The following C1orf74 variants were observed in gnomAD, a reference collection of about 807,000 sequenced individuals.
C1orf74 encodes chromosome 1 open reading frame 74, also known as UPF0739 protein C1orf74.
C1orf74 carries 5 observed loss-of-function variants against 7.3 expected under a neutral mutation model. That is an observed-to-expected ratio of 0.68 (90% CI 0.36 to 1.44). The LOEUF is 1.44. Among genes scored for constraint, C1orf74 ranks in the 40% most tolerant of loss-of-function variants. The pLI, the probability that C1orf74 is intolerant of heterozygous loss-of-function variation, is 0.04. For synonymous variants in C1orf74, 121 were observed against 132.5 expected (o/e 0.91, Z 0.59); for missense variants, 291 against 314.3 (o/e 0.93, Z 0.56).
chr1:209,779,257 A>G lies in C1orf74; in HGVS notation c.*3568T>C. ...CAAGGTTCTAAGCAAAGTTCTGAAA[A>G]GAAAACTTTTTGTAGTAAATATGCT... On this transcript the variant is annotated 3_prime_UTR_variant, in exon 2 of 2. Transcript: ENST00000294811. The G allele has an allele frequency of 6.7e-7, 1 of 1,497,494 alleles. No homozygotes were observed. Among genetic ancestry groups the G allele is most frequent in the Non-Finnish European group, 9.2e-7 (1 of 1,081,380 alleles). The allele number at this position is 1,497,494 out of a possible 1,614,324, so 92.8% of individuals were successfully genotyped here.
Position 209,780,238 on chromosome 1 carries a change from C to T in C1orf74, c.*2587G>A. The T allele has an allele frequency of 3.0e-6, 1 of 329,650 alleles. No individual in the cohort carries two copies. Among genetic ancestry groups the T allele is most frequent in the Non-Finnish European group, 5.5e-6 (1 of 182,702 alleles). 20.4% of individuals were successfully genotyped at this position (329,650 alleles called of 1,614,324 possible). A position where few individuals can be genotyped will look rare whatever the true frequency, so the allele number is the denominator to read the frequency against. ...CTAGCACTAGATAAGACTGGGGATA[C>T]AAAGAAAAGATCCCAATCTTGCCCT... On this transcript the variant is annotated 3_prime_UTR_variant, in exon 2 of 2. Transcript: ENST00000294811.
Position 209,780,352 on chromosome 1 carries a change from C to A in C1orf74, c.*2473G>T. 1 of 973,974 alleles carries A rather than the reference C, an allele frequency of 1.0e-6. No homozygotes were observed. The highest frequency in any genetic ancestry group is 1.4e-6 in the Non-Finnish European group (1 of 701,682). The allele number at this position is 973,974 out of a possible 1,614,324, so 60.3% of individuals were successfully genotyped here. A position where few individuals can be genotyped will look rare whatever the true frequency, so the allele number is the denominator to read the frequency against. ...ATGTCAGAGAATGCCATCAGTCTAG[C>A]CAAGAGCACGCCCTCCCAAGTTCCC... On this transcript the variant is annotated 3_prime_UTR_variant, in exon 2 of 2. Coordinates refer to ENST00000294811, the MANE Select transcript of C1orf74 (RefSeq NM_152485.4).
chr1:209,780,855 AT>A lies in C1orf74; in HGVS notation c.*1969del, dbSNP rs1558033562. 1.5e-5 allele frequency: 4 copies of A among 260,586 alleles called. No individual in the cohort carries two copies. The South Asian group carries it at 4.0e-4, about 26-fold the overall frequency. 16.1% of individuals were successfully genotyped at this position (260,586 alleles called of 1,614,324 possible). A position where few individuals can be genotyped will look rare whatever the true frequency, so the allele number is the denominator to read the frequency against. On this transcript the variant is annotated 3_prime_UTR_variant, in exon 2 of 2. Coordinates refer to ENST00000294811, the MANE Select transcript of C1orf74 (RefSeq NM_152485.4). ...AGAAAGTCGACCAAAACTCAAACAC[AT>A]TTAATAAAAATATTAACTTCTCAAT...
Position 209,783,454 on chromosome 1 carries a change from C to T in C1orf74, c.181G>A (p.Ala61Thr), listed in dbSNP as rs1427910296. The T allele has an allele frequency of 6.2e-7, 1 of 1,614,038 alleles. No individual in the cohort carries two copies. Among genetic ancestry groups the T allele is most frequent in the Non-Finnish European group, 8.5e-7 (1 of 1,180,022 alleles). Residue 61 changes from alanine (A) to threonine (T), a missense_variant, in exon 2 of 2, where the codon GCA becomes ACA. Transcript: ENST00000294811. ...KPAVLYDCNC[A>T]GASELQSYLE... is the part of the protein sequence containing the mutation. ...TAGCTCTGGAGCTCTGATGCCCCTG[C>T]ACAGTTGCAATCATAGAGCACAGCT...
In C1orf74 at chr1:209,779,434, C is replaced by T; in HGVS notation, c.*3391G>A. On this transcript the variant is annotated 3_prime_UTR_variant, in exon 2 of 2. Transcript: ENST00000294811. ...TGCTCTTCTCTTACCTGCCTAGAGG[C>T]AGCGGGATGGACTACATGACCTCCT... 3 of 1,473,020 alleles carry T rather than the reference C, an allele frequency of 2.0e-6. No individual in the cohort carries two copies. The highest frequency in any genetic ancestry group is 2.9e-6 in the Non-Finnish European group (3 of 1,052,576). The allele number at this position is 1,473,020 out of a possible 1,614,324, so 91.2% of individuals were successfully genotyped here.
rs1258115752 is a variant in C1orf74, at chr1:209,779,694, C to T, written c.*3131G>A. 1 of 595,676 alleles carries T rather than the reference C, an allele frequency of 1.7e-6. No individual in the cohort carries two copies. Among genetic ancestry groups the T allele is most frequent in the African/African-American group, 1.9e-5 (1 of 53,778 alleles). 36.9% of individuals were successfully genotyped at this position (595,676 alleles called of 1,614,324 possible). A position where few individuals can be genotyped will look rare whatever the true frequency, so the allele number is the denominator to read the frequency against. ...TTTTTACACACTTGATTTTCCAAAT[C>T]ACATCCAACTCCCCAGCCCCAAACC... On this transcript the variant is annotated 3_prime_UTR_variant, in exon 2 of 2. Transcript: ENST00000294811.
chr1:209,783,223 G>A lies in C1orf74; in HGVS notation c.412C>T (p.Leu138Phe), dbSNP rs1339199104. The A allele has an allele frequency of 1.2e-6, 2 of 1,614,044 alleles. No homozygotes were observed. Among genetic ancestry groups the A allele is most frequent in the Non-Finnish European group, 1.7e-6 (2 of 1,180,044 alleles). ...AAATGTGTGATGATCTCAGCCACGA[G>A]GGCCTTCAAGTCCTGAAGCTGGTCC... is the stretch of plus-strand genomic sequence containing the variant. ...SLDQLQDLKALVAEIITHLQG... is the reference protein window; with the variant it reads ...SLDQLQDLKAFVAEIITHLQG... The change falls in exon 2 of 2, where the codon CTC (leucine) becomes TTC (phenylalanine). Residue 138 changes from leucine (L) to phenylalanine (F), a missense_variant. Coordinates refer to ENST00000294811, the MANE Select transcript of C1orf74 (RefSeq NM_152485.4).
rs2077812245 is a variant in C1orf74 at position 209,783,530 on chromosome 1, G to C, written c.105C>G (p.Ile35Met). Reference protein sequence around the residue: ...MGKRRSPPQAICLHLAGEVLA... With the variant: ...MGKRRSPPQAMCLHLAGEVLA... ...GCACCTCTCCAGCTAAGTGAAGGCA[G>C]ATGGCTTGGGGTGGACTCCGTCTCT... is the stretch of plus-strand genomic sequence containing the variant. Residue 35 changes from isoleucine to methionine, a missense_variant, in exon 2 of 2, where the codon ATC becomes ATG. Transcript: ENST00000294811. 1 of 1,614,178 alleles carries C rather than the reference G, an allele frequency of 6.2e-7. No homozygotes were observed. Among genetic ancestry groups the C allele is most frequent in the South Asian group, 1.1e-5 (1 of 91,080 alleles).
Position 209,780,734 on chromosome 1 carries a change from C to A in C1orf74, c.*2091G>T. ...ATAACCACAGACATTCATTTGCCTA[C>A]ATAAAGTGTCTGTGCTTTTGGGCTG... is the stretch of plus-strand genomic sequence containing the variant. On this transcript the variant is annotated 3_prime_UTR_variant, in exon 2 of 2. Transcript: ENST00000294811. 1.2e-6 allele frequency: 1 copy of A among 868,860 alleles called. No individual in the cohort carries two copies. 53.8% of individuals were successfully genotyped at this position (868,860 alleles called of 1,614,324 possible). A position where few individuals can be genotyped will look rare whatever the true frequency, so the allele number is the denominator to read the frequency against.
Position 209,780,480 on chromosome 1 carries a change from G to A in C1orf74, c.*2345C>T. ...TGGCTGCTTTTTTAGATCAGGCTTT[G>A]CCCGTGTGGAGTCCAAAGTCCTTCC... On this transcript the variant is annotated 3_prime_UTR_variant, in exon 2 of 2. Transcript: ENST00000294811. 1.3e-6 allele frequency: 2 copies of A among 1,588,662 alleles called. No individual in the cohort carries two copies. Among genetic ancestry groups the A allele is most frequent in the East Asian group, 4.6e-5 (2 of 43,576 alleles).
Position 209,782,913 on chromosome 1 carries a change from T to C in C1orf74, c.722A>G (p.Asp241Gly). 4 of 1,614,088 alleles carry C rather than the reference T, an allele frequency of 2.5e-6. No homozygotes were observed. The highest frequency in any genetic ancestry group is 3.4e-6 in the Non-Finnish European group (4 of 1,180,006). ...LRDILNTWEK[D>G]LRTRFRTQND... ...CTGAGTCCTAAATCGGGTTCTGAGG[T>C]CCTTCTCCCAGGTGTTTAGAATGTC... Residue 241 changes from aspartate (D) to glycine (G), a missense_variant, in exon 2 of 2, where the codon GAC (aspartate) becomes GGC (glycine). By Grantham distance (94) the Asp-to-Gly change is moderately conservative (BLOSUM62 -1). Coordinates refer to ENST00000294811, the MANE Select transcript of C1orf74 (RefSeq NM_152485.4).
chr1:209,782,198 C>A lies in C1orf74; in HGVS notation c.*627G>T, dbSNP rs372222220. 2 of 1,479,768 alleles carry A rather than the reference C, an allele frequency of 1.4e-6. No individual in the cohort carries two copies. Among genetic ancestry groups the A allele is most frequent in the South Asian group, 1.1e-5 (1 of 88,348 alleles). The allele number at this position is 1,479,768 out of a possible 1,614,324, so 91.7% of individuals were successfully genotyped here. On this transcript the variant is annotated 3_prime_UTR_variant, in exon 2 of 2. Transcript: ENST00000294811. ...TGAAAATCAGAAGCAAGCAACTCAG[C>A]GAAAAACTCAGAAGGTTTGGGTACA...
chr1:209,783,097 G>A lies in C1orf74; in HGVS notation c.538C>T (p.Pro180Ser), dbSNP rs762955247. 1 of 1,614,182 alleles carries A rather than the reference G, an allele frequency of 6.2e-7. No individual in the cohort carries two copies. The highest frequency in any genetic ancestry group is 8.5e-7 in the Non-Finnish European group (1 of 1,180,034). The change falls in exon 2 of 2, where the codon CCT becomes TCT. Residue 180 changes from proline to serine, a missense_variant. By Grantham distance (74) the Pro-to-Ser change is moderately conservative. Coordinates refer to ENST00000294811, the MANE Select transcript of C1orf74 (RefSeq NM_152485.4). The stretch of plus-strand genomic sequence containing the variant: ...TTCAGGTGAAAGGTATAGGGAACAG[G>A]ATAGCCCAGGAGGATCCCAAATACA... ...CTVFGILLGY[P>S]VPYTFHLNQG...
chr1:209,783,085 T>C lies in C1orf74; in HGVS notation c.550A>G (p.Thr184Ala), dbSNP rs760675368. The change falls in exon 2 of 2, where the codon ACC becomes GCC. Residue 184 changes from threonine (T) to alanine (A), a missense_variant. By Grantham distance (58) the Thr-to-Ala change is moderately conservative (BLOSUM62 0). Coordinates refer to ENST00000294811, the MANE Select transcript of C1orf74 (RefSeq NM_152485.4). ...TCATCTCCCTGGTTCAGGTGAAAGG[T>C]ATAGGGAACAGGATAGCCCAGGAGG... Reference protein sequence around the residue: ...GILLGYPVPYTFHLNQGDDNC... With the variant: ...GILLGYPVPYAFHLNQGDDNC... 15 of 1,613,916 alleles carry C rather than the reference T, an allele frequency of 9.3e-6. No homozygotes were observed. The African/African-American group carries it at 1.9e-4, about 20-fold the overall frequency.
rs958256099 is a variant in C1orf74 at position 209,780,352 on chromosome 1, C to G, written c.*2473G>C. 1.5e-5 allele frequency: 15 copies of G among 973,862 alleles called. No homozygotes were observed. The highest frequency in any genetic ancestry group is 2.9e-5 in the Admixed American group (1 of 34,074). 60.3% of individuals were successfully genotyped at this position (973,862 alleles called of 1,614,324 possible). A position where few individuals can be genotyped will look rare whatever the true frequency, so the allele number is the denominator to read the frequency against. On this transcript the variant is annotated 3_prime_UTR_variant, in exon 2 of 2. Transcript: ENST00000294811. Reference sequence around the variant, plus strand: ...ATGTCAGAGAATGCCATCAGTCTAGCCAAGAGCACGCCCTCCCAAGTTCCC... The same window carrying G: ...ATGTCAGAGAATGCCATCAGTCTAGGCAAGAGCACGCCCTCCCAAGTTCCC...
chr1:209,780,355 A>C lies in C1orf74; in HGVS notation c.*2470T>G. ...TCAGAGAATGCCATCAGTCTAGCCA[A>C]GAGCACGCCCTCCCAAGTTCCCTCC... On this transcript the variant is annotated 3_prime_UTR_variant, in exon 2 of 2. Transcript: ENST00000294811. 9.9e-7 allele frequency: 1 copy of C among 1,011,168 alleles called. No homozygotes were observed. The highest frequency in any genetic ancestry group is 1.4e-6 in the Non-Finnish European group (1 of 734,786). The allele number at this position is 1,011,168 out of a possible 1,614,324, so 62.6% of individuals were successfully genotyped here. A position where few individuals can be genotyped will look rare whatever the true frequency, so the allele number is the denominator to read the frequency against.
rs2077799579 is a variant in C1orf74, at chr1:209,782,324, C to T, written c.*501G>A. On this transcript the variant is annotated 3_prime_UTR_variant, in exon 2 of 2. Transcript: ENST00000294811. ...CACCTGACCAGATTGTTCCTCAGAA[C>T]TCTCAGTTTATTCCTGAATGGTGTA... 3.3e-6 allele frequency: 2 copies of T among 598,342 alleles called. No individual in the cohort carries two copies. Among genetic ancestry groups the T allele is most frequent in the African/African-American group, 1.8e-5 (1 of 54,086 alleles). 37.1% of individuals were successfully genotyped at this position (598,342 alleles called of 1,614,324 possible).
chr1:209,781,303 A>C lies in C1orf74; in HGVS notation c.*1522T>G. The C allele has an allele frequency of 7.1e-7, 1 of 1,416,528 alleles. No individual in the cohort carries two copies. 87.7% of individuals were successfully genotyped at this position (1,416,528 alleles called of 1,614,324 possible). A position where few individuals can be genotyped will look rare whatever the true frequency, so the allele number is the denominator to read the frequency against. On this transcript the variant is annotated 3_prime_UTR_variant, in exon 2 of 2. Coordinates refer to ENST00000294811, the MANE Select transcript of C1orf74 (RefSeq NM_152485.4). ...GTCTCCCCTGCCTGGGCTCTGTCCT[A>C]GACAGAAGTGACAGTGATGACTTTG...
In C1orf74 at chr1:209,782,327, TCA is replaced by T. The variant is rs548665844; in HGVS notation, c.*496_*497del. 1.4e-3 allele frequency: 861 copies of T among 596,070 alleles called. 3 individuals carry two copies. Among genetic ancestry groups the T allele is most frequent in the Non-Finnish European group, 2.0e-3 (666 of 331,572 alleles). The allele number at this position is 596,070 out of a possible 1,614,324, so 36.9% of individuals were successfully genotyped here. On this transcript the variant is annotated 3_prime_UTR_variant, in exon 2 of 2. Transcript: ENST00000294811. ...CTGACCAGATTGTTCCTCAGAACTC[TCA>T]GTTTATTCCTGAATGGTGTATTACA...
Sources: gnomAD v4.1 joint callset for allele counts on GRCh38, gnomAD v4.1.1 for gene constraint, MANE v1.5 for transcripts, NCBI Gene and HGNC (gene_info 2026-07-23, HGNC 2026-07-21) for gene names.